The following MYO16 variants were observed in gnomAD, a reference collection of about 807,000 sequenced individuals.
MYO16 encodes unconventional myosin-XVI.
Under a neutral mutation model 205.3 loss-of-function variants are expected in MYO16, and 94 were observed. That is an observed-to-expected ratio of 0.46 (90% CI 0.39 to 0.54). The LOEUF (loss-of-function observed/expected upper bound fraction) is 0.54, where lower values mean the gene tolerates loss of function less well. Ranked by LOEUF, MYO16 falls within the 20% of genes least tolerant of loss-of-function variation. The pLI is 0.00. For missense variants in MYO16, 2,315 were observed against 2,387.5 expected (o/e 0.97, Z 0.63); for synonymous variants, 988 against 954.0 (o/e 1.04, Z -0.66).
chr13:108,566,715 GAGGAAGGAAGGAAGGAAGGGAGGA>G, the MYO16 span, among the ~76,000 whole-genome samples: 3 of 141,588 alleles, frequency 2.1e-5, no homozygotes, highest in Non-Finnish European at 3.0e-5. Context: ...GAAAGGAAAG[GAGGAAGGAAGGAAGGAAGGGAGGA>G]AGGAAGGAAG....
chr13:108,665,146 T>C (rs1881668500), intron 1 of MYO16, among the ~76,000 whole-genome samples: 1 of 152,154 alleles, frequency 6.6e-6, no homozygotes, highest in Non-Finnish European at 1.5e-5. Flanking sequence ...AGTGCAGTGG[T>C]GCAATCCTAG....
intron 22 of MYO16, among the ~76,000 whole-genome samples, chr13:109,012,779 G>T (rs201144515): frequency 6.8e-6 from 1 of 146,612 alleles, no homozygotes; most frequent in Non-Finnish European, 1.5e-5. Context: ...ATGTGTGTGT[G>T]TATATATATA....
the MYO16 span, among the ~76,000 whole-genome samples, chr13:108,501,713 T>G: frequency 6.6e-6 from 1 of 152,170 alleles, no homozygotes; most frequent in African/African-American, 2.4e-5. Flanking sequence ...AAGCTAAACA[T>G]GTCCTTTGCA....
chr13:109,066,710 T>C (rs946881155), intron 27 of MYO16, among the ~76,000 whole-genome samples: 1 of 152,158 alleles, frequency 6.6e-6, no homozygotes, highest in African/African-American at 2.4e-5. Context: ...GCTGCTCAAC[T>C]GGGCCTCTCC....
intron 33 of MYO16, among the ~76,000 whole-genome samples, chr13:109,170,978 A>G (rs1209673460): frequency 1.3e-5 from 2 of 152,222 alleles, no homozygotes; most frequent in Non-Finnish European, 2.9e-5. Flanking sequence ...TATGCGTGCA[A>G]AAGGAAAATT....
At chr13:108,750,472 G>T (rs1326449041) in intron 4 of MYO16, among the ~76,000 whole-genome samples, 1 of 152,160 alleles carries the variant, frequency 6.6e-6, no homozygotes, top group Non-Finnish European at 1.5e-5. Flanking sequence ...GTGGAGGTAT[G>T]AGTTAACAAT....
At chr13:108,949,794 C>T (rs1194213999) in intron 16 of MYO16, among the ~76,000 whole-genome samples, 1 of 151,912 alleles carries the variant, frequency 6.6e-6, no homozygotes, top group African/African-American at 2.4e-5. Context: ...TAGAGTAATC[C>T]AGACATTATG....
chr13:108,496,279 G>T, the MYO16 span, among the ~76,000 whole-genome samples: 1 of 152,232 alleles, frequency 6.6e-6, no homozygotes, highest in Non-Finnish European at 1.5e-5. Flanking sequence ...CATTTCGAGG[G>T]ACGCGGAAGC....
At chr13:109,078,991 C>T (rs963215480) in intron 27 of MYO16, among the ~76,000 whole-genome samples, 1 of 152,088 alleles carries the variant, frequency 6.6e-6, no homozygotes, top group African/African-American at 2.4e-5. Flanking sequence ...TGAGAGGGAG[C>T]CTCTGAAAAT....
At chr13:108,869,580 AG>A (rs1235625173) in intron 12 of MYO16, among the ~76,000 whole-genome samples, 24 of 128,954 alleles carry the variant, frequency 1.9e-4, no homozygotes, top group East Asian at 2.5e-4. Context: ...AAAAAAAAAA[AG>A]TTAGCCGGGC....
chr13:108,758,632 G>T lies in MYO16; in HGVS notation c.508-27003G>T, dbSNP rs117119870. Reference sequence around the variant, plus strand: ...CTCCATTAGAAGAACAGACATGACCGTCACACTAGCTGTTAGATGTAGATG... The same window carrying T: ...CTCCATTAGAAGAACAGACATGACCTTCACACTAGCTGTTAGATGTAGATG... On this transcript the variant is annotated intron_variant, in intron 4 of 34. Coordinates refer to ENST00000457511, the MANE Select transcript of MYO16 (RefSeq NM_001198950.3). Among the ~76,000 whole-genome samples, 226 of 152,260 alleles carry T rather than the reference G, an allele frequency of 1.5e-3. 1 individual carries two copies. Among genetic ancestry groups the T allele is most frequent in the Admixed American group, 0.011 (163 of 15,302 alleles).
At chr13:108,538,946 GT>G in the MYO16 span, among the ~76,000 whole-genome samples, 8 of 152,016 alleles carry the variant, frequency 5.3e-5, no homozygotes, top group African/African-American at 1.7e-4. Flanking sequence ...CCCTTTTTGA[GT>G]TCTCCCAACT....
chr13:109,011,126 T>G (rs1885581697), intron 22 of MYO16, among the ~76,000 whole-genome samples: 1 of 151,876 alleles, frequency 6.6e-6, no homozygotes, highest in Admixed American at 6.6e-5. Flanking sequence ...AAAACACTTT[T>G]GTGTGGCAAC....
intron 23 of MYO16, among the ~76,000 whole-genome samples, chr13:109,021,010 G>A (rs1285656878): frequency 6.6e-6 from 1 of 152,078 alleles, no homozygotes; most frequent in Non-Finnish European, 1.5e-5. Context: ...CGATAGGGAA[G>A]GAAGCAATGC....
chr13:108,785,828 G>A (rs1886442092), intron 5 of MYO16, 85 bp downstream of exon 5: 2 of 871,758 alleles, frequency 2.3e-6, no homozygotes, highest in Non-Finnish European at 3.6e-6. Context: ...TTGCTTACAT[G>A]ATTTCCGATG....
rs369463134 is a variant in MYO16 at position 108,897,221 on chromosome 13, A to G, written c.1660-795A>G. Among the ~76,000 whole-genome samples the G allele has an allele frequency of 3.3e-4, 50 of 152,276 alleles. 1 individual carries two copies. The South Asian group carries it at 9.3e-3, about 28-fold the overall frequency. On this transcript the variant is annotated intron_variant, in intron 14 of 34. Transcript: ENST00000457511. ...ACCCTTGAACCCTCCAGATTTTCAT[A>G]CATTTTGGAGAATTGCTTGGTCCCC...
At chr13:108,768,356 T>G (rs1053335703) in intron 4 of MYO16, among the ~76,000 whole-genome samples, 1 of 152,226 alleles carries the variant, frequency 6.6e-6, no homozygotes, top group African/African-American at 2.4e-5. Context: ...TGTTTCCATG[T>G]AGGAAGCCTC....
chr13:108,944,965 TATAAC>T (rs1172657266), intron 16 of MYO16, among the ~76,000 whole-genome samples: 1 of 152,178 alleles, frequency 6.6e-6, no homozygotes, highest in African/African-American at 2.4e-5. Context: ...GTGAGAAAGA[TATAAC>T]AGAATGCTAA....
intron 27 of MYO16, among the ~76,000 whole-genome samples, chr13:109,061,764 C>T (rs757881779): frequency 6.6e-6 from 1 of 152,066 alleles, no homozygotes; most frequent in African/African-American, 2.4e-5. Flanking sequence ...GAAGTGTGAA[C>T]GTGTTGGAAA....
Sources: gnomAD v4.1 joint callset for allele counts (sites outside exome capture counted in the v4.1 genomes callset) on GRCh38, gnomAD v4.1.1 for gene constraint, MANE v1.5 for transcripts, NCBI Gene and HGNC (gene_info 2026-07-23, HGNC 2026-07-21) for gene names.